BCAR3: variants seen among roughly 807,000 people sequenced by gnomAD.
BCAR3 encodes the protein BCAR3 adaptor protein, NSP family member.
In BCAR3, 37 loss-of-function variants were observed where a neutral mutation model predicts 80.1. The ratio of observed to expected loss-of-function variants is 0.46; its 90% CI spans 0.36 to 0.61. The LOEUF is 0.61. Among genes scored for constraint, BCAR3 ranks in the 20% least tolerant of loss-of-function variants. The pLI, the probability that BCAR3 is intolerant of heterozygous loss-of-function variation, is 0.00. For missense variants in BCAR3, 978 were observed against 1,068.2 expected, an observed-to-expected ratio of 0.92 and a Z score of 1.18; for synonymous variants, 389 against 418.9, an observed-to-expected ratio of 0.93 and a Z score of 0.87.
intron 3 of BCAR3, among the ~76,000 whole-genome samples, chr1:93,620,970 T>A (rs963111101): frequency 6.6e-6 from 1 of 152,196 alleles, no homozygotes; most frequent in Non-Finnish European, 1.5e-5. Flanking sequence ...AAGCCACACA[T>A]CCCTATCTCC....
At chr1:93,700,585 C>T (rs932970512) in intron 3 of BCAR3, among the ~76,000 whole-genome samples, 1 of 152,278 alleles carries the variant, frequency 6.6e-6, no homozygotes, top group East Asian at 1.9e-4. Flanking sequence ...ATAGGTTAAA[C>T]AGAGATTCTG....
At chr1:93,682,855 C>T (rs1314066321), upstream of BCAR3, among the ~76,000 whole-genome samples, 1 of 152,110 alleles carries the variant, frequency 6.6e-6, no homozygotes, top group Non-Finnish European at 1.5e-5. Context: ...GCCCGGCCTC[C>T]AGATGGATTT....
At chr1:93,827,117 C>A (rs967151668) in intron 2 of BCAR3, among the ~76,000 whole-genome samples, 1 of 151,944 alleles carries the variant, frequency 6.6e-6, no homozygotes, top group Admixed American at 6.6e-5. Flanking sequence ...GTTTATTGAA[C>A]AAATAAAGAA....
chr1:93,770,701 G>A (rs1350821731), intron 2 of BCAR3, among the ~76,000 whole-genome samples: 3 of 152,146 alleles, frequency 2.0e-5, no homozygotes, highest in African/African-American at 2.4e-5. Context: ...CCAAATAGTC[G>A]TTGGTGGGAG....
chr1:93,839,235 C>T (rs1390372483), intron 2 of BCAR3, among the ~76,000 whole-genome samples: 10 of 151,898 alleles, frequency 6.6e-5, no homozygotes, highest in African/African-American at 1.7e-4. Context: ...TGCAGTGAGC[C>T]GAGATTGTGG....
intron 2 of BCAR3, chr1:93,845,502 A>ATATATATATATATCTCATGTTGTC: frequency 8.8e-6 from 1 of 113,820 alleles, no homozygotes; most frequent in Non-Finnish European, 1.8e-5. Context: ...ATATATATAT[A>ATATATATATATATCTCATGTTGTC]AAACTTTGTT....
chr1:93,695,806 A>G (rs1204863932), intron 3 of BCAR3, among the ~76,000 whole-genome samples: 4 of 152,100 alleles, frequency 2.6e-5, no homozygotes. Context: ...TTTCTGCTAT[A>G]TTTGACATTG....
chr1:93,657,357 A>G (rs1412215084), intron 2 of BCAR3, among the ~76,000 whole-genome samples: 2 of 152,248 alleles, frequency 1.3e-5, no homozygotes, highest in African/African-American at 4.8e-5. Context: ...TAGTTTTACT[A>G]TATAGCAAAT....
At chr1:93,675,256 G>A (rs1309379087) in intron 1 of BCAR3, among the ~76,000 whole-genome samples, 1 of 152,216 alleles carries the variant, frequency 6.6e-6, no homozygotes, top group Non-Finnish European at 1.5e-5. Flanking sequence ...AGGACTCATA[G>A]TTGCAGTAAT....
In BCAR3 at chr1:93,582,751, G is replaced by C; in HGVS notation, c.1236C>G (p.Phe412Leu). ...KPPPKPCKVP[F>L]LKVPSSPSAW... ...CAGAGGGAGACGAGGGAACCTTGAG[G>C]AACGGCACCTTGCAGGGCTTAGGCG... Residue 412 changes from phenylalanine (F) to leucine (L), a missense_variant, in exon 7 of 12, where the codon TTC (phenylalanine) becomes TTG (leucine). Phe to Leu is a conservative substitution (Grantham distance 22). Coordinates refer to ENST00000260502, the MANE Select transcript of BCAR3 (RefSeq NM_003567.4). 1.9e-6 allele frequency: 3 copies of C among 1,614,114 alleles called. No homozygotes were observed. Among genetic ancestry groups the C allele is most frequent in the Non-Finnish European group, 2.5e-6 (3 of 1,180,006 alleles).
At chr1:93,778,419 C>T (rs1215329104) in intron 2 of BCAR3, among the ~76,000 whole-genome samples, 1 of 152,048 alleles carries the variant, frequency 6.6e-6, no homozygotes, top group Non-Finnish European at 1.5e-5. Context: ...TCAACATTAG[C>T]CTAATTACTT....
At chr1:93,664,277 G>A (rs1341604133) in intron 2 of BCAR3, among the ~76,000 whole-genome samples, 2 of 152,034 alleles carry the variant, frequency 1.3e-5, no homozygotes, top group African/African-American at 2.4e-5. Flanking sequence ...GCACCACCAC[G>A]CCCAGCTAAT....
chr1:93,682,242 G>A (rs1007925662), upstream of BCAR3, among the ~76,000 whole-genome samples: 1 of 152,194 alleles, frequency 6.6e-6, no homozygotes, highest in African/African-American at 2.4e-5. Context: ...AATTGCACTC[G>A]TATGGACGTA....
intron 3 of BCAR3, among the ~76,000 whole-genome samples, chr1:93,703,566 TAAAAAGAA>T (rs1649726617): frequency 2.2e-5 from 1 of 45,538 alleles, no homozygotes; most frequent in African/African-American, 3.5e-5. Flanking sequence ...CCCTGTCTCT[TAAAAAGAA>T]AAAAAAAAAA....
chr1:93,821,581 G>T (rs60890703), intron 2 of BCAR3, among the ~76,000 whole-genome samples: 1 of 152,154 alleles, frequency 6.6e-6, no homozygotes, highest in African/African-American at 2.4e-5. Context: ...GTGAGCAAAC[G>T]TCTTGGAATC....
chr1:93,699,412 C>T lies in BCAR3; in HGVS notation c.-12+6680G>A, dbSNP rs546375231. On this transcript the variant is annotated intron_variant, in intron 3 of 13. Transcript: ENST00000370244. ...CCAAGATGCTATCAGGGAGGCTGGG[C>T]GCTGGGGACATTTACACTCCTTGCC... Among the ~76,000 whole-genome samples the T allele has an allele frequency of 4.6e-5, 7 of 152,176 alleles. No homozygotes were observed. The South Asian group carries it at 1.0e-3, about 23-fold the overall frequency.
At chr1:93,786,152 C>G (rs1415103372) in intron 2 of BCAR3, among the ~76,000 whole-genome samples, 1 of 107,924 alleles carries the variant, frequency 9.3e-6, no homozygotes, top group Non-Finnish European at 1.7e-5. Flanking sequence ...GAGATCGCGC[C>G]ACTGCACTCC....
Position 93,571,763 on chromosome 1 carries a change from C to CAA in BCAR3, c.1880_1881insTT (p.Ser628Ter). 1 of 1,614,166 alleles carries CAA rather than the reference C, an allele frequency of 6.2e-7. No individual in the cohort carries two copies. The highest frequency in any genetic ancestry group is 8.5e-7 in the Non-Finnish European group (1 of 1,180,028). On this transcript the variant is annotated frameshift_variant, in exon 9 of 12. Transcript: ENST00000260502. LOFTEE classifies it high-confidence loss of function. ...CCACCGCCACCTGGATGATCTTACTCAGAGTGGCCGCTCGGTCCTCCAAAG... is the reference window on the plus strand; with the variant it reads ...CCACCGCCACCTGGATGATCTTACTCAAAGAGTGGCCGCTCGGTCCTCCAAAG...
At chr1:93,572,473 C>T (rs556583590) in intron 8 of BCAR3, among the ~76,000 whole-genome samples, 7 of 152,176 alleles carry the variant, frequency 4.6e-5, no homozygotes, top group Non-Finnish European at 8.8e-5. Flanking sequence ...CTAATAAAAT[C>T]GAAATCTCAT....
Sources: allele counts gnomAD v4.1 joint callset (sites outside exome capture counted in the v4.1 genomes callset), GRCh38; gene constraint gnomAD v4.1.1; transcripts MANE v1.5; gene names NCBI Gene and HGNC (gene_info 2026-07-23, HGNC 2026-07-21).